The following MADD variants were observed in gnomAD, a reference collection of about 807,000 sequenced individuals.
MADD encodes MAP kinase-activating death domain protein.
In MADD, 109 loss-of-function variants were observed where a neutral mutation model predicts 176.7. The ratio of observed to expected loss-of-function variants is 0.62; its 90% CI spans 0.53 to 0.72. The LOEUF is 0.72. Among genes scored for constraint, MADD ranks in the 30% least tolerant of loss-of-function variants. MADD has a pLI of 0.00. For synonymous variants in MADD, 771 were observed against 771.3 expected, an observed-to-expected ratio of 1.00 and a Z score of 0.01; for missense variants, 1,914 against 2,045.5, an observed-to-expected ratio of 0.94 and a Z score of 1.24.
chr11:47,306,327 G>C (rs1314164102), intron 22 of MADD, among the ~76,000 whole-genome samples: 1 of 152,178 alleles, frequency 6.6e-6, no homozygotes, highest in Non-Finnish European at 1.5e-5. Context: ...ATGAAGGGGA[G>C]CTGTGGCCAT....
At chr11:47,285,519 G>A (rs778368678) in exon 14 of MADD, 11 of 1,614,014 alleles carry the variant, frequency 6.8e-6, no homozygotes, top group East Asian at 2.2e-5. Context: ...TCAGACTCTC[G>A]GGCAAGCTCT....
chr11:47,273,648 A>G (rs774095242), intron 1 of MADD, among the ~76,000 whole-genome samples, 179 bp from the exon 2 acceptor site: 113 of 152,030 alleles, frequency 7.4e-4, no homozygotes, highest in Non-Finnish European at 1.3e-3. Context: ...TCTATTTTTT[A>G]ACATTCGATT....
chr11:47,278,453 A>C (rs538457543), intron 6 of MADD, among the ~76,000 whole-genome samples, 175 bp downstream of exon 6: 1 of 152,184 alleles, frequency 6.6e-6, no homozygotes, highest in Non-Finnish European at 1.5e-5. Context: ...TTATTAGCCA[A>C]ATAAACCCTT....
At chr11:47,326,878 G>A (rs1455371607) in intron 31 of MADD, 71 bp downstream of exon 35, 1 of 1,597,002 alleles carries the variant, frequency 6.3e-7, no homozygotes, top group Admixed American at 1.8e-5. Context: ...CTCCAGAGGA[G>A]GGTCTAGGGG....
chr11:47,273,071 G>A (rs1250138508), intron 1 of MADD, among the ~76,000 whole-genome samples: 2 of 152,210 alleles, frequency 1.3e-5, no homozygotes, highest in Non-Finnish European at 2.9e-5. Context: ...CTATGTGGTA[G>A]TTTTACATCA....
chr11:47,279,381 CTT>C (rs34428529), intron 7 of MADD, among the ~76,000 whole-genome samples: 21 of 116,786 alleles, frequency 1.8e-4, no homozygotes, highest in Non-Finnish European at 1.9e-4. Context: ...TTTTCTCAGT[CTT>C]TTTTTTTTTT....
chr11:47,326,838 A>T, intron 31 of MADD, 31 bp downstream of exon 35: 1 of 1,613,450 alleles, frequency 6.2e-7, no homozygotes, highest in South Asian at 1.1e-5. Flanking sequence ...TTAGGTCTGG[A>T]CTCACATGGC....
At chr11:47,314,933 T>A (rs1182685978) in intron 26 of MADD, among the ~76,000 whole-genome samples, 2 of 152,200 alleles carry the variant, frequency 1.3e-5, no homozygotes, top group Admixed American at 1.3e-4. Flanking sequence ...CATTAATTGT[T>A]TTTATAATTA....
chr11:47,292,690 C>G (rs1277935585), intron 19 of MADD, 94 bp downstream of exon 21: 1 of 1,260,168 alleles, frequency 7.9e-7, no homozygotes, highest in Non-Finnish European at 1.2e-6. Flanking sequence ...CAGCCCCACC[C>G]CAAATTTGCT....
Position 47,308,707 on chromosome 11 carries a change from A to T in MADD, c.3751+8A>T. On this transcript the variant is annotated splice_region_variant and intron_variant, in intron 23 of 32. Transcript: ENST00000402192. ...TCTATGAGGGACTCCTAGGTGAGAA[A>T]CACACTGGGAAGGCCCTTTGCACTG... 1 of 1,608,720 alleles carries T rather than the reference A, an allele frequency of 6.2e-7. No homozygotes were observed. The highest frequency in any genetic ancestry group is 8.5e-7 in the Non-Finnish European group (1 of 1,175,500).
intron 19 of MADD, among the ~76,000 whole-genome samples, chr11:47,291,611 C>T (rs939785099): frequency 6.6e-6 from 1 of 152,202 alleles, no homozygotes; most frequent in Non-Finnish European, 1.5e-5. Context: ...GGGAGCTACA[C>T]TTCCCTAGCC....
At chr11:47,307,967 C>G (rs2084406645) in intron 22 of MADD, among the ~76,000 whole-genome samples, 1 of 152,182 alleles carries the variant, frequency 6.6e-6, no homozygotes, top group Non-Finnish European at 1.5e-5. Flanking sequence ...CTGCACCCAG[C>G]TGAAAATCTT....
rs372182070 is a variant in MADD, at chr11:47,289,861, C to G, written c.2757-6C>G. On this transcript the variant is annotated splice_polypyrimidine_tract_variant and splice_region_variant and intron_variant, in intron 16 of 32. Transcript: ENST00000402192. ...TGACCACAGAAGCGGTGTGTGGACC[C>G]TGTAGTGAGAACCAGCAGTTCCTGA... is the stretch of plus-strand genomic sequence containing the variant. The G allele has an allele frequency of 1.9e-6, 3 of 1,612,988 alleles. No individual in the cohort carries two copies. The highest frequency in any genetic ancestry group is 1.3e-5 in the African/African-American group (1 of 74,884).
chr11:47,325,542 G>A lies in MADD; in HGVS notation c.4542+965G>A, dbSNP rs1348368168. On this transcript the variant is annotated intron_variant, in intron 30 of 32. Transcript: ENST00000402192. The surrounding 1 kb of genome is among the most constrained non-coding windows in gnomAD (Gnocchi z 4.5). ...GTTGTAGCTCTCTTTCAGGAACGTA[G>A]CTGGGCAGCTTTGGTTTAACAGGAA... Among the ~76,000 whole-genome samples, 1 of 152,210 alleles carries A rather than the reference G, an allele frequency of 6.6e-6. No individual in the cohort carries two copies. The highest frequency in any genetic ancestry group is 1.5e-5 in the Non-Finnish European group (1 of 68,036).
intron 15 of MADD, 104 bp from the exon 17 acceptor site, chr11:47,289,287 C>T (rs2063292399): frequency 1.0e-6 from 1 of 981,154 alleles, no homozygotes; most frequent in Non-Finnish European, 1.6e-6. Context: ...CCTCACCCAG[C>T]CCTTCTGAGG....
At chr11:47,273,951 G>C in exon 2 of MADD, 5 of 1,614,084 alleles carry the variant, frequency 3.1e-6, no homozygotes, top group Non-Finnish European at 4.2e-6. Flanking sequence ...TCGGTTACTT[G>C]ACTATCTAGT....
chr11:47,295,791 C>A, intron 21 of MADD, 106 bp from the exon 24 acceptor site: 1 of 1,525,286 alleles, frequency 6.6e-7, no homozygotes, highest in South Asian at 1.3e-5. Flanking sequence ...ATCTGACACA[C>A]TTTTGAAATT....
At chr11:47,294,059 C>T in intron 20 of MADD, 76 bp downstream of exon 22, 11 of 1,228,950 alleles carry the variant, frequency 9.0e-6, no homozygotes, top group African/African-American at 1.5e-5. Flanking sequence ...TAAAATAGAA[C>T]AGTCAGACAG....
intron 22 of MADD, among the ~76,000 whole-genome samples, chr11:47,307,285 G>A (rs1469612266): frequency 6.6e-6 from 1 of 152,084 alleles, no homozygotes; most frequent in African/African-American, 2.4e-5. Context: ...ATTAAAATAG[G>A]TATGATGGAG....
Sources: gnomAD v4.1 joint callset for allele counts (sites outside exome capture counted in the v4.1 genomes callset) on GRCh38, gnomAD v4.1.1 for gene constraint, Gnocchi (gnomAD v3.1) non-coding constraint, MANE v1.5 for transcripts, NCBI Gene and HGNC (gene_info 2026-07-23, HGNC 2026-07-21) for gene names.